The following ITGA1 variants were observed in gnomAD, a reference collection of about 807,000 sequenced individuals.
ITGA1 encodes the protein integrin alpha-1.
Under a neutral mutation model 145.9 loss-of-function variants are expected in ITGA1, and 85 were observed. The observed-to-expected ratio is 0.58, with a 90% CI of 0.49 to 0.70. ITGA1 has a LOEUF of 0.70. Among genes scored for constraint, ITGA1 ranks in the 30% least tolerant of loss-of-function variants. The pLI is 0.00. For missense variants in ITGA1, 1,351 were observed against 1,418.7 expected (o/e 0.95, Z 0.77); for synonymous variants, 520 against 495.3 (o/e 1.05, Z -0.66).
chr5:52,950,366 C>T (rs997383742), intron 28 of ITGA1, among the ~76,000 whole-genome samples: 4 of 152,138 alleles, frequency 2.6e-5, no homozygotes, highest in Non-Finnish European at 5.9e-5. Context: ...TGGTGTCTCA[C>T]CACTTTTTAG....
chr5:52,801,205 T>G, intron 1 of ITGA1: 1 of 1,363,324 alleles, frequency 7.3e-7, no homozygotes, highest in Non-Finnish European at 1.0e-6. Context: ...CTGGGAAAAA[T>G]AAGAAGAGAA....
chr5:52,795,455 C>T (rs1748322653), intron 1 of ITGA1, among the ~76,000 whole-genome samples: 1 of 151,912 alleles, frequency 6.6e-6, no homozygotes, highest in Admixed American at 6.6e-5. Flanking sequence ...AGATTTCCAT[C>T]TTTCAGGAGC....
rs146171997 is a variant in ITGA1 at position 52,851,267 on chromosome 5, A to G, written c.182+1782A>G. On this transcript the variant is annotated intron_variant, in intron 2 of 28. Coordinates refer to ENST00000282588, the MANE Select transcript of ITGA1 (RefSeq NM_181501.2). Reference sequence around the variant, plus strand: ...TGATTTTAGAAAAATCTGATGTCAGAAGTCCTTAATTATATGAATGAACCT... The same window carrying G: ...TGATTTTAGAAAAATCTGATGTCAGGAGTCCTTAATTATATGAATGAACCT... Among the ~76,000 whole-genome samples the G allele has an allele frequency of 5.2e-3, 789 of 152,320 alleles. 4 individuals carry two copies. The highest frequency in any genetic ancestry group is 8.5e-3 in the Non-Finnish European group (578 of 68,024).
chr5:52,866,286 G>T lies in ITGA1; in HGVS notation c.624+469G>T, dbSNP rs529915906. On this transcript the variant is annotated intron_variant, in intron 6 of 28. Coordinates refer to ENST00000282588, the MANE Select transcript of ITGA1 (RefSeq NM_181501.2). Reference sequence around the variant, plus strand: ...CCTGTCTCTGCCTCTCAAAGCATTGGTATTACAGGCGTGAGCCACTGTGCC... The same window carrying T: ...CCTGTCTCTGCCTCTCAAAGCATTGTTATTACAGGCGTGAGCCACTGTGCC... 2.0e-5 allele frequency among the ~76,000 whole-genome samples: 3 copies of T among 152,272 alleles called. No individual in the cohort carries two copies. The East Asian group carries it at 5.8e-4, about 29-fold the overall frequency.
chr5:52,805,733 C>T (rs1036851594), intron 1 of ITGA1, among the ~76,000 whole-genome samples: 2 of 151,994 alleles, frequency 1.3e-5, no homozygotes, highest in Non-Finnish European at 2.9e-5. Context: ...TGCTAGCGGA[C>T]CCCATGGCCT....
At chr5:52,927,478 T>C (rs1014541977) in intron 19 of ITGA1, 106 bp from the exon 20 acceptor site, 7 of 688,824 alleles carry the variant, frequency 1.0e-5, no homozygotes, top group Admixed American at 4.9e-5. Flanking sequence ...GAGACAAAAA[T>C]AGTGGCAAGG....
At chr5:52,897,666 C>T in intron 10 of ITGA1, 138 bp downstream of exon 10, 1 of 625,350 alleles carries the variant, frequency 1.6e-6, no homozygotes, top group South Asian at 2.0e-5. Context: ...ATGATGTTTT[C>T]TAATTCAAAT....
intron 7 of ITGA1, among the ~76,000 whole-genome samples, chr5:52,885,336 T>C (rs188856335): frequency 2.0e-5 from 3 of 152,270 alleles, no homozygotes; most frequent in East Asian, 1.9e-4. Context: ...CTGGTCCTTC[T>C]AGTGATCAGC....
chr5:52,800,714 A>T (rs1408910442), intron 1 of ITGA1: 1 of 1,614,152 alleles, frequency 6.2e-7, no homozygotes. Flanking sequence ...CTGGAGCCCA[A>T]CCGCCAGTTC....
intron 1 of ITGA1, among the ~76,000 whole-genome samples, chr5:52,804,805 G>C (rs7735266): frequency 0.11 from 16,146 of 152,060 alleles, 1,837 homozygotes; most frequent in African/African-American, 0.29. Context: ...GTTAAGACTG[G>C]CTATTTGTGT....
rs186575028 is a variant in ITGA1 at position 52,941,249 on chromosome 5, C to T, written c.3285+1305C>T. Among the ~76,000 whole-genome samples the T allele has an allele frequency of 3.0e-4, 46 of 152,196 alleles. No individual in the cohort carries two copies. In the East Asian group the frequency reaches 5.0e-3, roughly 17 times the overall value. ...GCACTGCAATGAAGATATGACCGCA[C>T]GTGTCTTTTTGGTAAACAGTTTCTT... On this transcript the variant is annotated intron_variant, in intron 26 of 28. Transcript: ENST00000282588.
chr5:52,874,417 C>A lies in ITGA1; in HGVS notation c.625-7456C>A, dbSNP rs115463865. On this transcript the variant is annotated intron_variant, in intron 6 of 28. Transcript: ENST00000282588. Reference sequence around the variant, plus strand: ...GTTTTGGTGTCTCGGTGGGGACAAACCATATTCAAGCTGTAGCAGAAACAT... The same window carrying A: ...GTTTTGGTGTCTCGGTGGGGACAAAACATATTCAAGCTGTAGCAGAAACAT... 7.3e-3 allele frequency among the ~76,000 whole-genome samples: 922 copies of A among 126,878 alleles called. 9 individuals carry two copies. Among genetic ancestry groups the A allele is most frequent in the African/African-American group, 0.021 (761 of 36,062 alleles). 83.2% of individuals were successfully genotyped at this position (126,878 alleles called of 152,430 possible).
In ITGA1 at chr5:52,910,429, G is replaced by A. The variant is rs1273638363; in HGVS notation, c.1857+10G>A. ...GAAAGAGTATGCACAAGTAAGAATTGAAACCTACAGATTCCCACCCTTCAG... is the reference window on the plus strand; with the variant it reads ...GAAAGAGTATGCACAAGTAAGAATTAAAACCTACAGATTCCCACCCTTCAG... On this transcript the variant is annotated intron_variant, in intron 14 of 28. Transcript: ENST00000282588. 1.2e-6 allele frequency: 2 copies of A among 1,606,602 alleles called. No homozygotes were observed. Among genetic ancestry groups the A allele is most frequent in the South Asian group, 2.2e-5 (2 of 90,818 alleles).
Position 52,886,608 on chromosome 5 carries a change from C to G in ITGA1, c.774-1207C>G, listed in dbSNP as rs150425959. ...AGTCCTAAATAAAATATACTCATCT[C>G]TTCCAAGACTCCAGAGCGAAAAGGT... On this transcript the variant is annotated intron_variant, in intron 7 of 28. Coordinates refer to ENST00000282588, the MANE Select transcript of ITGA1 (RefSeq NM_181501.2). 4.2e-3 allele frequency among the ~76,000 whole-genome samples: 647 copies of G among 152,274 alleles called. 2 individuals carry two copies. Among genetic ancestry groups the G allele is most frequent in the Non-Finnish European group, 7.9e-3 (535 of 68,018 alleles).
In ITGA1 at chr5:52,788,349, C is replaced by T. The variant is rs1473193595; in HGVS notation, c.-5C>T. On this transcript the variant is annotated 5_prime_UTR_variant, in exon 1 of 29. Transcript: ENST00000282588. ...CGGCCCCCTGGCGCTGAGGCTGCTCCGGCCATGGCCCCTCGGCCCCGCGCC... is the reference window on the plus strand; with the variant it reads ...CGGCCCCCTGGCGCTGAGGCTGCTCTGGCCATGGCCCCTCGGCCCCGCGCC... 6.0e-6 allele frequency: 9 copies of T among 1,505,162 alleles called. No individual in the cohort carries two copies. The highest frequency in any genetic ancestry group is 2.7e-5 in the East Asian group (1 of 36,418). 93.2% of individuals were successfully genotyped at this position (1,505,162 alleles called of 1,614,324 possible). A position where few individuals can be genotyped will look rare whatever the true frequency, so the allele number is the denominator to read the frequency against.
chr5:52,856,592 C>A (rs553793584), intron 2 of ITGA1, among the ~76,000 whole-genome samples: 6 of 152,154 alleles, frequency 3.9e-5, no homozygotes, highest in Non-Finnish European at 5.9e-5. Flanking sequence ...AAATCTTCAT[C>A]GCTCTCTACA....
At chr5:52,879,724 G>A (rs1749924705) in intron 6 of ITGA1, among the ~76,000 whole-genome samples, 1 of 151,982 alleles carries the variant, frequency 6.6e-6, no homozygotes, top group African/African-American at 2.4e-5. Flanking sequence ...GTTCCCAAAG[G>A]GTCTTTTGGT....
intron 15 of ITGA1, among the ~76,000 whole-genome samples, chr5:52,918,201 C>CA (rs1177222811): frequency 5.3e-5 from 8 of 151,836 alleles, no homozygotes; most frequent in African/African-American, 1.7e-4. Context: ...AAACGTAAAA[C>CA]AAAAAAATGA....
At chr5:52,911,172 C>T (rs1304329342) in intron 14 of ITGA1, among the ~76,000 whole-genome samples, 2 of 127,726 alleles carry the variant, frequency 1.6e-5, no homozygotes, top group African/African-American at 2.9e-5. Context: ...ATATAGAGTA[C>T]ATATTGTATA....
Sources: gnomAD v4.1 joint callset for allele counts (sites outside exome capture counted in the v4.1 genomes callset) on GRCh38, gnomAD v4.1.1 for gene constraint, MANE v1.5 for transcripts, NCBI Gene and HGNC (gene_info 2026-07-23, HGNC 2026-07-21) for gene names.